The following UBP1 variants were observed in gnomAD, a reference collection of about 807,000 sequenced individuals.
The protein encoded by UBP1 is upstream-binding protein 1.
Under a neutral mutation model 76.1 loss-of-function variants are expected in UBP1, and 22 were observed. The observed-to-expected ratio is 0.29, with a 90% CI of 0.21 to 0.41. UBP1 has a LOEUF of 0.41. Among genes scored for constraint, UBP1 ranks in the 10% least tolerant of loss-of-function variants. UBP1 has a pLI of 1.00. For missense variants in UBP1, 436 were observed against 668.1 expected, an observed-to-expected ratio of 0.65 and a Z score of 3.83; for synonymous variants, 224 against 237.1, an observed-to-expected ratio of 0.94 and a Z score of 0.51.
chr3:33,414,580 G>A (rs1251697860), intron 3 of UBP1, among the ~76,000 whole-genome samples: 1 of 152,136 alleles, frequency 6.6e-6, no homozygotes, highest in Non-Finnish European at 1.5e-5. Flanking sequence ...TATAGTCAAA[G>A]ATCCTAGGGC....
At chr3:33,418,028 T>C (rs1259438670) in intron 2 of UBP1, among the ~76,000 whole-genome samples, 1 of 152,216 alleles carries the variant, frequency 6.6e-6, no homozygotes, top group Non-Finnish European at 1.5e-5. Flanking sequence ...GAAGAGACAT[T>C]TTTAAAAAGT....
chr3:33,396,045 G>A (rs2043979836), intron 13 of UBP1, 117 bp downstream of exon 13: 2 of 897,648 alleles, frequency 2.2e-6, no homozygotes, highest in Admixed American at 4.7e-5. Context: ...GCTCCCACAT[G>A]AGCAACTTGG....
At chr3:33,428,807 C>CA (rs374441678) in intron 1 of UBP1, among the ~76,000 whole-genome samples, 1,041 of 93,496 alleles carry the variant, frequency 0.011, 6 homozygotes, top group African/African-American at 0.017. Context: ...TCCTACGTCT[C>CA]AAAAAAAAAA....
intron 2 of UBP1, among the ~76,000 whole-genome samples, chr3:33,421,011 G>C (rs2044876554): frequency 1.3e-5 from 2 of 152,310 alleles, no homozygotes; most frequent in South Asian, 4.1e-4. Context: ...TGAAGAGTTA[G>C]GGGCTGATCC....
At chr3:33,438,459 G>A (rs1176935916) in intron 1 of UBP1, among the ~76,000 whole-genome samples, 1 of 152,160 alleles carries the variant, frequency 6.6e-6, no homozygotes, top group Non-Finnish European at 1.5e-5. Context: ...ACTCCCCTCT[G>A]GGGTGACTCC....
At chr3:33,434,289 CTTTTTTTTTTTTT>C (rs371209882) in intron 1 of UBP1, among the ~76,000 whole-genome samples, 2 of 101,264 alleles carry the variant, frequency 2.0e-5, no homozygotes, top group Non-Finnish European at 3.8e-5. Context: ...TCAGCAAATC[CTTTTTTTTTTTTT>C]TTTTTTTTTT....
rs2043695237 is a variant in UBP1, at chr3:33,390,035, CTA to C, written c.*294_*295del. On this transcript the variant is annotated 3_prime_UTR_variant, in exon 16 of 16. Coordinates refer to ENST00000283629, the MANE Select transcript of UBP1 (RefSeq NM_014517.5). ...TGTAAAAAGACAGCAAAGGCTGCTT[CTA>C]GGAACTGTATTTACTGGCCTCTGCC... The C allele has an allele frequency of 5.4e-6, 2 of 370,660 alleles. No individual in the cohort carries two copies. Among genetic ancestry groups the C allele is most frequent in the Non-Finnish European group, 9.8e-6 (2 of 204,900 alleles). 23.0% of individuals were successfully genotyped at this position (370,660 alleles called of 1,614,324 possible).
At chr3:33,393,213 T>C in intron 14 of UBP1, 99 bp downstream of exon 14, 1 of 1,220,922 alleles carries the variant, frequency 8.2e-7, no homozygotes, top group Non-Finnish European at 1.1e-6. Flanking sequence ...TTCTCATAAG[T>C]ATTTTCAAAA....
At chr3:33,424,872 C>T (rs2044985649) in intron 2 of UBP1, among the ~76,000 whole-genome samples, 1 of 152,108 alleles carries the variant, frequency 6.6e-6, no homozygotes. Context: ...ATGGTGAAAC[C>T]CTGTCTACTA....
rs954905395 is a variant in UBP1 at position 33,440,329 on chromosome 3, C to G, written c.-481G>C. 1 of 153,060 alleles carries G rather than the reference C, an allele frequency of 6.5e-6. No homozygotes were observed. Among genetic ancestry groups the G allele is most frequent in the African/African-American group, 2.4e-5 (1 of 41,382 alleles). 9.5% of individuals were successfully genotyped at this position (153,060 alleles called of 1,614,324 possible). On this transcript the variant is annotated 5_prime_UTR_variant, in exon 1 of 16. Transcript: ENST00000283629. The stretch of plus-strand genomic sequence containing the variant: ...AGGCTCTAGCGCCACACCGCCCCGG[C>G]CAACCCCGCCGACGCCGCTCTGCCG...
intron 4 of UBP1, 90 bp from the exon 5 acceptor site, chr3:33,411,777 C>A: frequency 9.7e-7 from 1 of 1,034,462 alleles, no homozygotes; most frequent in Non-Finnish European, 1.5e-6. Flanking sequence ...AATGAAATAA[C>A]TGTAACTGCT....
At chr3:33,407,893 C>G (rs2044469299) in intron 8 of UBP1, among the ~76,000 whole-genome samples, 4 of 152,178 alleles carry the variant, frequency 2.6e-5, no homozygotes, top group Admixed American at 1.3e-4. Flanking sequence ...TGTAGCTGAT[C>G]TAAGTTTGCA....
chr3:33,390,903 A>G (rs1011661998), intron 15 of UBP1: 5 of 152,290 alleles, frequency 3.3e-5, no homozygotes, highest in East Asian at 2.0e-4. Flanking sequence ...TCATGACGAC[A>G]AAGTTTAAAA....
At chr3:33,434,096 C>G (rs1575492977) in intron 1 of UBP1, among the ~76,000 whole-genome samples, 1 of 152,048 alleles carries the variant, frequency 6.6e-6, no homozygotes, top group African/African-American at 2.4e-5. Flanking sequence ...AATAAACCAC[C>G]AAGTTTCAAA....
rs1176416629 is a variant in UBP1, at chr3:33,402,860, GCT to G, written c.970_971del (p.Ser324ProfsTer38). The part of the protein sequence containing the change: ...PDAPTAYVNN[S>X]PSPAPTFTSP... ...AGGTGAAAGTGGGCGCTGGGGAAGGGCTGTTATTCACATAGGCTGTGGGGGCA... is the reference window on the plus strand; with the variant it reads ...AGGTGAAAGTGGGCGCTGGGGAAGGGGTTATTCACATAGGCTGTGGGGGCA... On this transcript the variant is annotated frameshift_variant, in exon 9 of 16. Transcript: ENST00000283629. LOFTEE classifies it high-confidence loss of function. The G allele has an allele frequency of 1.2e-6, 2 of 1,610,388 alleles. No homozygotes were observed. Among genetic ancestry groups the G allele is most frequent in the Non-Finnish European group, 1.7e-6 (2 of 1,178,690 alleles).
intron 9 of UBP1, among the ~76,000 whole-genome samples, chr3:33,402,537 T>A (rs2044267154): frequency 6.6e-6 from 1 of 152,146 alleles, no homozygotes; most frequent in African/African-American, 2.4e-5. Flanking sequence ...AAAGAATATA[T>A]CTTGGCTATG....
upstream of UBP1, chr3:33,440,578 GT>G (rs1480094115): frequency 6.6e-6 from 1 of 152,448 alleles, no homozygotes; most frequent in Non-Finnish European, 1.5e-5. Flanking sequence ...GCCTCGCTGC[GT>G]CCCCGCACAG....
intron 2 of UBP1, among the ~76,000 whole-genome samples, chr3:33,422,586 A>C (rs1438371119): frequency 6.6e-6 from 1 of 151,912 alleles, no homozygotes; most frequent in Non-Finnish European, 1.5e-5. Flanking sequence ...TTTGCCAGGC[A>C]TGGTGTCCTG....
In UBP1 at chr3:33,389,294, A is replaced by G. The variant is rs2043659366; in HGVS notation, c.*1037T>C. ...GAGGCTTAAGGGATTTGTATGGTAC[A>G]TTTTAGTGTTTGATTGATAACATCT... is the stretch of plus-strand genomic sequence containing the variant. On this transcript the variant is annotated 3_prime_UTR_variant, in exon 16 of 16. Coordinates refer to ENST00000283629, the MANE Select transcript of UBP1 (RefSeq NM_014517.5). 1 of 152,628 alleles carries G rather than the reference A, an allele frequency of 6.6e-6. No homozygotes were observed. Among genetic ancestry groups the G allele is most frequent in the South Asian group, 2.1e-4 (1 of 4,832 alleles). The allele number at this position is 152,628 out of a possible 1,614,324, so 9.5% of individuals were successfully genotyped here. A position where few individuals can be genotyped will look rare whatever the true frequency, so the allele number is the denominator to read the frequency against.
Sources: allele counts gnomAD v4.1 joint callset (sites outside exome capture counted in the v4.1 genomes callset), GRCh38; gene constraint gnomAD v4.1.1; transcripts MANE v1.5; gene names NCBI Gene and HGNC (gene_info 2026-07-23, HGNC 2026-07-21).